Variants in LAPTM4B observed in about 807,000 individuals in gnomAD.
LAPTM4B encodes the protein lysosomal protein transmembrane 4 beta, also known as lysosomal-associated transmembrane protein 4B.
In LAPTM4B, 26 loss-of-function variants were observed where a neutral mutation model predicts 28.5. The ratio of observed to expected loss-of-function variants is 0.91; its 90% confidence interval spans 0.67 to 1.27. The LOEUF (loss-of-function observed/expected upper bound fraction) is 1.27, where lower values mean the gene tolerates loss of function less well. LAPTM4B is among the 50% of genes most tolerant of loss of function. LAPTM4B has a pLI of 0.00. For synonymous variants in LAPTM4B, 109 were observed against 106.4 expected (o/e 1.02, Z -0.15); for missense variants, 288 against 285.8 (o/e 1.01, Z -0.06).
intron 6 of LAPTM4B, among the ~76,000 whole-genome samples, chr8:97,833,975 C>T (rs1817222440): frequency 6.6e-6 from 1 of 151,770 alleles, no homozygotes; most frequent in Non-Finnish European, 1.5e-5. Flanking sequence ...AAATAATGAA[C>T]TCATTCCTCA....
intron 1 of LAPTM4B, among the ~76,000 whole-genome samples, chr8:97,802,428 G>T (rs1816697665): frequency 6.6e-6 from 1 of 152,158 alleles, no homozygotes; most frequent in Admixed American, 6.5e-5. Context: ...GCGCTGGTGG[G>T]AGTGTCTTTT....
chr8:97,838,594 C>A (rs1341024995), intron 6 of LAPTM4B, among the ~76,000 whole-genome samples: 1 of 152,196 alleles, frequency 6.6e-6, no homozygotes, highest in Non-Finnish European at 1.5e-5. Flanking sequence ...GGACTACAAC[C>A]TGATCAGCCT....
intron 6 of LAPTM4B, among the ~76,000 whole-genome samples, chr8:97,827,914 C>A (rs2449536): frequency 0.6 from 90,368 of 151,838 alleles, 27,748 homozygotes; most frequent in African/African-American, 0.75. Flanking sequence ...CAAGGTTGAT[C>A]GATCAGTTAG....
At chr8:97,786,713 A>AC (rs1816409236) in intron 1 of LAPTM4B, among the ~76,000 whole-genome samples, 2 of 151,018 alleles carry the variant, frequency 1.3e-5, no homozygotes, top group Admixed American at 1.3e-4. Context: ...AAAAAAAAAA[A>AC]AAAACCATTA....
intron 5 of LAPTM4B, among the ~76,000 whole-genome samples, chr8:97,822,531 TA>T (rs1817021590): frequency 1.6e-5 from 1 of 63,608 alleles, no homozygotes; most frequent in African/African-American, 4.8e-5. Flanking sequence ...ACTTCTATTT[TA>T]TTTATTTATT....
intron 1 of LAPTM4B, among the ~76,000 whole-genome samples, chr8:97,789,895 A>G (rs1247967377): frequency 1.3e-5 from 2 of 152,014 alleles, no homozygotes; most frequent in Admixed American, 1.3e-4. Flanking sequence ...TCTGGTAACC[A>G]TCCTTCTACT....
At chr8:97,791,790 C>T (rs770480703) in intron 1 of LAPTM4B, among the ~76,000 whole-genome samples, 7 of 152,134 alleles carry the variant, frequency 4.6e-5, no homozygotes, top group Non-Finnish European at 1.0e-4. Context: ...ATTTTATGAA[C>T]ATGGTATGTG....
chr8:97,824,922 T>C (rs1342799966), intron 5 of LAPTM4B, 136 bp from the exon 6 acceptor site: 2 of 535,744 alleles, frequency 3.7e-6, no homozygotes, highest in African/African-American at 3.8e-5. Context: ...GGACTTTTGG[T>C]TTAGTAGAGC....
chr8:97,821,595 C>T (rs1030582407), intron 5 of LAPTM4B, among the ~76,000 whole-genome samples: 1 of 152,094 alleles, frequency 6.6e-6, no homozygotes, highest in South Asian at 2.1e-4. Flanking sequence ...GTGCATCAAG[C>T]GTAGCTGTGA....
chr8:97,819,709 T>C (rs1409370670), intron 5 of LAPTM4B, among the ~76,000 whole-genome samples: 10 of 151,040 alleles, frequency 6.6e-5, no homozygotes, highest in Non-Finnish European at 1.5e-5. Context: ...TTTATGCATT[T>C]ATCTCAAGAT....
chr8:97,779,753 T>TAA lies in LAPTM4B; in HGVS notation c.99+3662_99+3663dup, dbSNP rs750177675. Among the ~76,000 whole-genome samples the TAA allele has an allele frequency of 3.8e-3, 436 of 115,316 alleles. 2 individuals are homozygous for TAA. The highest frequency in any genetic ancestry group is 0.012 in the African/African-American group (372 of 31,396). 75.7% of individuals were successfully genotyped at this position (115,316 alleles called of 152,430 possible). On this transcript the variant is annotated intron_variant, in intron 1 of 6. Coordinates refer to ENST00000521545, the MANE Select transcript of LAPTM4B (RefSeq NM_018407.6). ...CCTGGGTGACAGCAAGACTCTTATC[T>TAA]AAAAAAAAAAAAAAAAAAGTTGGGT...
At chr8:97,821,120 G>A (rs1245551314) in intron 5 of LAPTM4B, among the ~76,000 whole-genome samples, 3 of 151,928 alleles carry the variant, frequency 2.0e-5, no homozygotes, top group Non-Finnish European at 2.9e-5. Context: ...GGTGGATCAC[G>A]AGATCAGGAG....
At chr8:97,807,208 G>A (rs564441036) in intron 2 of LAPTM4B, among the ~76,000 whole-genome samples, 2 of 152,280 alleles carry the variant, frequency 1.3e-5, no homozygotes, top group Non-Finnish European at 2.9e-5. Flanking sequence ...ACTTATCATT[G>A]TGTGCCTCAA....
chr8:97,792,702 C>T (rs759055937), intron 1 of LAPTM4B, among the ~76,000 whole-genome samples: 8 of 152,282 alleles, frequency 5.3e-5, no homozygotes, highest in South Asian at 2.1e-4. Context: ...GTTTCAGCCT[C>T]CCAAGTAGCT....
chr8:97,807,437 A>T (rs1466659896), intron 2 of LAPTM4B, among the ~76,000 whole-genome samples: 1 of 152,182 alleles, frequency 6.6e-6, no homozygotes, highest in Non-Finnish European at 1.5e-5. Flanking sequence ...AGTTGTTGTG[A>T]GGATTAAATG....
intron 1 of LAPTM4B, among the ~76,000 whole-genome samples, chr8:97,796,542 T>C (rs1816587291): frequency 6.6e-6 from 1 of 152,234 alleles, no homozygotes; most frequent in Admixed American, 6.5e-5. Context: ...TACATTATGC[T>C]TACATTAGAC....
Position 97,807,361 on chromosome 8 carries a change from A to C in LAPTM4B, c.211+1897A>C, listed in dbSNP as rs145576433. Among the ~76,000 whole-genome samples the C allele has an allele frequency of 6.0e-3, 920 of 152,282 alleles. 6 individuals are homozygous for C. Among genetic ancestry groups the C allele is most frequent in the African/African-American group, 0.021 (866 of 41,560 alleles). On this transcript the variant is annotated intron_variant, in intron 2 of 6. Transcript: ENST00000521545. ...AGGGTGGTGGGGATCACTTGAGATC[A>C]GGAGTTCAAGACCAGCCTGGTCAAC... is the stretch of plus-strand genomic sequence containing the variant.
chr8:97,823,054 G>C (rs1375875955), intron 5 of LAPTM4B, among the ~76,000 whole-genome samples: 1 of 151,968 alleles, frequency 6.6e-6, no homozygotes, highest in African/African-American at 2.4e-5. Context: ...CGTTAGCCAG[G>C]GTGGTCTCTA....
intron 1 of LAPTM4B, among the ~76,000 whole-genome samples, chr8:97,776,560 G>A (rs115101125): frequency 6.6e-6 from 1 of 152,236 alleles, no homozygotes. Flanking sequence ...TGTGGTTAGG[G>A]TTGCGGATTT....
Sources: gnomAD v4.1 joint callset for allele counts (sites outside exome capture counted in the v4.1 genomes callset) on GRCh38, gnomAD v4.1.1 for gene constraint, MANE v1.5 for transcripts, NCBI Gene and HGNC (gene_info 2026-07-23, HGNC 2026-07-21) for gene names.